Variants in STAT3 observed in about 807,000 individuals in gnomAD.
The protein encoded by STAT3 is signal transducer and activator of transcription 3.
Under a neutral mutation model 114.3 loss-of-function variants are expected in STAT3, and 7 were observed. The ratio of observed to expected loss-of-function variants is 0.06; its 90% CI spans 0.03 to 0.11. STAT3 has a LOEUF of 0.11. Among genes scored for constraint, STAT3 ranks in the 10% least tolerant of loss-of-function variants. The pLI is 1.00. For missense variants in STAT3, 364 were observed against 960.9 expected (o/e 0.38, Z 8.21); for synonymous variants, 331 against 354.5 (o/e 0.93, Z 0.74).
chr17:42,316,917 G>T lies in STAT3; in HGVS notation c.2145-16C>A. The T allele has an allele frequency of 6.2e-7, 1 of 1,605,800 alleles. No homozygotes were observed. Among genetic ancestry groups the T allele is most frequent in the South Asian group, 1.1e-5 (1 of 90,656 alleles). On this transcript the variant is annotated splice_polypyrimidine_tract_variant and intron_variant, in intron 22 of 23. Transcript: ENST00000264657. ...GCAGGTCGTTCTGTAGGAAATGGGG[G>T]GCAGCAGGAGGGGAAACGGGGGGTT...
intron 5 of STAT3, 42 bp downstream of exon 5, chr17:42,339,272 A>T: frequency 1.9e-6 from 3 of 1,574,652 alleles, no homozygotes; most frequent in Non-Finnish European, 2.6e-6. Context: ...AAAAAAAAAA[A>T]TTAATGAAAG....
In STAT3 at chr17:42,388,353, G is replaced by C. The variant is rs1415945735; in HGVS notation, c.-98C>G. Reference sequence around the variant, plus strand: ...ACGGGCGGCGAGGCTCCCTCAGGCCGAAGGGCCTCTCCGAGCCGAGGGGGA... The same window carrying C: ...ACGGGCGGCGAGGCTCCCTCAGGCCCAAGGGCCTCTCCGAGCCGAGGGGGA... On this transcript the variant is annotated 5_prime_UTR_variant, in exon 1 of 24. Coordinates refer to ENST00000264657, the MANE Select transcript of STAT3 (RefSeq NM_139276.3). 1.6e-6 allele frequency: 2 copies of C among 1,231,916 alleles called. No homozygotes were observed. The highest frequency in any genetic ancestry group is 2.0e-6 in the Non-Finnish European group (2 of 988,140). 76.3% of individuals were successfully genotyped at this position (1,231,916 alleles called of 1,614,324 possible).
Position 42,331,528 on chromosome 17 carries a change from C to T in STAT3, c.1053G>A (p.Leu351=), listed in dbSNP as rs201472943. Residue 351 remains leucine, a synonymous_variant, in exon 11 of 24, where the codon TTG becomes TTA. Transcript: ENST00000264657. ...TGVQFTTKVR[L]LVKFPELNYQ... is the part of the protein sequence containing the mutation. The stretch of plus-strand genomic sequence containing the variant: ...AATTCAACTCAGGGAATTTGACCAG[C>T]AACCTATTTAAAAAGAAAAAATCCA... 6.2e-7 allele frequency: 1 copy of T among 1,613,678 alleles called. No homozygotes were observed. The highest frequency in any genetic ancestry group is 1.3e-5 in the African/African-American group (1 of 75,028).
rs12721576 is a variant in STAT3, at chr17:42,337,723, G to T, written c.645+40C>A. The T allele has an allele frequency of 1.9e-6, 3 of 1,612,680 alleles. No individual in the cohort carries two copies. The African/African-American group carries it at 4.0e-5, about 22-fold the overall frequency. On this transcript the variant is annotated intron_variant, in intron 7 of 23. Coordinates refer to ENST00000264657, the MANE Select transcript of STAT3 (RefSeq NM_139276.3). This position sits in a 1 kb window ranked among gnomAD's most constrained non-coding sequence, Gnocchi z 4.0. ...CAAGACGCTGAAATCCCGCAAGTGA[G>T]CGAGACACATGGGGGAAGTGGTCCG...
intron 21 of STAT3, among the ~76,000 whole-genome samples, chr17:42,321,301 T>C (rs547606722): frequency 6.6e-6 from 1 of 151,898 alleles, no homozygotes; most frequent in South Asian, 2.1e-4. Context: ...AAAAAAATTA[T>C]TTTTGTATAG....
At chr17:42,370,271 A>G (rs1342753501) in intron 1 of STAT3, among the ~76,000 whole-genome samples, 3 of 142,736 alleles carry the variant, frequency 2.1e-5, no homozygotes, top group Non-Finnish European at 4.5e-5. Flanking sequence ...TTTGAGACAG[A>G]GTCTTGCTCT....
chr17:42,355,053 C>A (rs2083164377), intron 1 of STAT3, among the ~76,000 whole-genome samples: 1 of 152,082 alleles, frequency 6.6e-6, no homozygotes, highest in Admixed American at 6.6e-5. Flanking sequence ...AGATGACTAG[C>A]CAAAGTGTCT....
At chr17:42,353,483 C>G (rs947589279) in intron 1 of STAT3, among the ~76,000 whole-genome samples, 1 of 151,984 alleles carries the variant, frequency 6.6e-6, no homozygotes, top group East Asian at 1.9e-4. Flanking sequence ...GACAATGTAG[C>G]CAAAAAGCGG....
At chr17:42,321,244 C>T (rs939126606) in intron 21 of STAT3, among the ~76,000 whole-genome samples, 7 of 151,136 alleles carry the variant, frequency 4.6e-5, no homozygotes, top group Non-Finnish European at 8.8e-5. Flanking sequence ...CTCAGCCTCC[C>T]GAGTAGCTAG....
chr17:42,381,731 CAAA>C (rs398038044), intron 1 of STAT3, among the ~76,000 whole-genome samples: 11 of 57,744 alleles, frequency 1.9e-4, no homozygotes, highest in East Asian at 6.0e-4. Context: ...GACTCCATCT[CAAA>C]AAAAAAAAAA....
chr17:42,384,195 A>C (rs1208093609), intron 1 of STAT3, among the ~76,000 whole-genome samples: 2 of 146,524 alleles, frequency 1.4e-5, no homozygotes, highest in Admixed American at 6.9e-5. Context: ...GTGGTGCGAT[A>C]TCGGCTCACT....
chr17:42,362,486 C>CA (rs755723661), intron 1 of STAT3, among the ~76,000 whole-genome samples: 41 of 152,318 alleles, frequency 2.7e-4, no homozygotes, highest in Non-Finnish European at 5.3e-4. Flanking sequence ...GATCTTGCCA[C>CA]ACCCCTACTT....
At chr17:42,365,639 G>GTTTTTTTTTTTTTTTTTTTT (rs11440924) in intron 1 of STAT3, among the ~76,000 whole-genome samples, 1 of 139,054 alleles carries the variant, frequency 7.2e-6, no homozygotes, top group Non-Finnish European at 1.5e-5. Flanking sequence ...TGCTGTTAAA[G>GTTTTTTTTTTTTTTTTTTTT]TTTTTTTTTT....
intron 1 of STAT3, among the ~76,000 whole-genome samples, chr17:42,354,172 CTTTTTTTT>C (rs1212253278): frequency 9.2e-6 from 1 of 108,678 alleles, no homozygotes; most frequent in Non-Finnish European, 1.9e-5. Context: ...TAATTGTGTT[CTTTTTTTT>C]TTTTTTTTTT....
In STAT3 at chr17:42,333,051, A is replaced by G. The variant is rs2082089972; in HGVS notation, c.1049+622T>C. Among the ~76,000 whole-genome samples, 1 of 152,200 alleles carries G rather than the reference A, an allele frequency of 6.6e-6. No individual in the cohort carries two copies. Among genetic ancestry groups the G allele is most frequent in the Non-Finnish European group, 1.5e-5 (1 of 68,028 alleles). On this transcript the variant is annotated intron_variant, in intron 10 of 23. Coordinates refer to ENST00000264657, the MANE Select transcript of STAT3 (RefSeq NM_139276.3). The surrounding 1 kb of genome is among the most constrained non-coding windows in gnomAD (Gnocchi z 5.2). Reference sequence around the variant, plus strand: ...CCTTCAAGCCAAAGGTACTGAGAAAACATCTAAGAACTAACAACTTAAAGT... The same window carrying G: ...CCTTCAAGCCAAAGGTACTGAGAAAGCATCTAAGAACTAACAACTTAAAGT...
rs894889757 is a variant in STAT3, at chr17:42,313,878, G to A, written c.*1867C>T. 1.3e-5 allele frequency: 3 copies of A among 232,516 alleles called. No individual in the cohort carries two copies. Among genetic ancestry groups the A allele is most frequent in the East Asian group, 6.0e-5 (1 of 16,568 alleles). 14.4% of individuals were successfully genotyped at this position (232,516 alleles called of 1,614,324 possible). ...TGTCTCCAGGCAGGAGGACTGGGGC[G>A]AACCCTGTTCATCTTAGAGAAGGTC... is the stretch of plus-strand genomic sequence containing the variant. On this transcript the variant is annotated 3_prime_UTR_variant, in exon 24 of 24. Coordinates refer to ENST00000264657, the MANE Select transcript of STAT3 (RefSeq NM_139276.3).
chr17:42,345,442 T>C lies in STAT3; in HGVS notation c.372+117A>G. 4 of 854,886 alleles carry C rather than the reference T, an allele frequency of 4.7e-6. No individual in the cohort carries two copies. In the Admixed American group the frequency reaches 8.9e-5, roughly 19 times the overall value. The allele number at this position is 854,886 out of a possible 1,614,324, so 53.0% of individuals were successfully genotyped here. ...TTTTTCAATGTATTTTTATGATTAT[T>C]GATCTATTTAATTTCTTTTCCTTCT... On this transcript the variant is annotated intron_variant, in intron 4 of 23. Coordinates refer to ENST00000264657, the MANE Select transcript of STAT3 (RefSeq NM_139276.3).
At chr17:42,326,067 T>G in intron 15 of STAT3, 49 bp downstream of exon 15, 1 of 1,543,352 alleles carries the variant, frequency 6.5e-7, no homozygotes, top group Non-Finnish European at 9.0e-7. Flanking sequence ...GTTTTTGTCC[T>G]GAGTCACCCC....
At chr17:42,365,651 T>G (rs1383314245) in intron 1 of STAT3, among the ~76,000 whole-genome samples, 4 of 145,114 alleles carry the variant, frequency 2.8e-5, no homozygotes, top group African/African-American at 5.0e-5. Flanking sequence ...TTTTTTTTTT[T>G]GTTTTTTTTT....
Sources: gnomAD v4.1 joint callset for allele counts (sites outside exome capture counted in the v4.1 genomes callset) on GRCh38, gnomAD v4.1.1 for gene constraint, Gnocchi (gnomAD v3.1) non-coding constraint, MANE v1.5 for transcripts, NCBI Gene and HGNC (gene_info 2026-07-23, HGNC 2026-07-21) for gene names.